HERC3: variants seen among roughly 807,000 people sequenced by gnomAD.
The protein encoded by HERC3 is HECT and RLD domain containing E3 ubiquitin protein ligase 3, also known as probable E3 ubiquitin-protein ligase HERC3.
Under a neutral mutation model 129.9 loss-of-function variants are expected in HERC3, and 58 were observed. That is an observed-to-expected ratio of 0.45 (90% CI 0.36 to 0.56). The LOEUF (loss-of-function observed/expected upper bound fraction) is 0.56, where lower values mean the gene tolerates loss of function less well. Ranked by LOEUF, HERC3 falls within the 20% of genes least tolerant of loss-of-function variation. The pLI is 0.00. For missense variants in HERC3, 835 were observed against 1,244.2 expected (o/e 0.67, Z 4.95); for synonymous variants, 430 against 451.0 (o/e 0.95, Z 0.59).
the HERC3 span, among the ~76,000 whole-genome samples, chr4:88,526,001 TC>T: frequency 6.6e-6 from 1 of 152,222 alleles, no homozygotes; most frequent in South Asian, 2.1e-4. Flanking sequence ...CTACTTAAGT[TC>T]TCACCCTCAA....
At chr4:88,556,330 T>C in the HERC3 span, among the ~76,000 whole-genome samples, 1 of 152,206 alleles carries the variant, frequency 6.6e-6, no homozygotes, top group Non-Finnish European at 1.5e-5. Flanking sequence ...AATAATGGGT[T>C]AAGACATGAA....
chr4:88,621,027 G>A (rs1027538891), intron 3 of HERC3, among the ~76,000 whole-genome samples: 3 of 152,018 alleles, frequency 2.0e-5, no homozygotes, highest in African/African-American at 7.2e-5. Flanking sequence ...TCTTTTGTTT[G>A]TTTAAGCTCC....
chr4:88,610,220 C>T (rs985931137), intron 3 of HERC3, among the ~76,000 whole-genome samples: 6 of 152,082 alleles, frequency 3.9e-5, no homozygotes, highest in Admixed American at 1.3e-4. Flanking sequence ...ATTGGGAAGC[C>T]GAGCTGGGTG....
At chr4:88,675,272 A>G (rs1732038410) in intron 16 of HERC3, among the ~76,000 whole-genome samples, 1 of 152,224 alleles carries the variant, frequency 6.6e-6, no homozygotes, top group Non-Finnish European at 1.5e-5. Flanking sequence ...TCTTAGGTGC[A>G]GATGGAGCAT....
the HERC3 span, among the ~76,000 whole-genome samples, chr4:88,550,736 T>G: frequency 1.7e-4 from 26 of 149,156 alleles, no homozygotes; most frequent in African/African-American, 6.4e-4. Flanking sequence ...TTCAATGCCA[T>G]CCCCATCAAG....
chr4:88,583,423 G>C, the HERC3 span, among the ~76,000 whole-genome samples: 1 of 150,700 alleles, frequency 6.6e-6, no homozygotes, highest in Non-Finnish European at 1.5e-5. Context: ...CCTGGATACA[G>C]AGTGAGACTC....
intron 16 of HERC3, among the ~76,000 whole-genome samples, chr4:88,673,261 C>T (rs1731801598): frequency 6.6e-6 from 1 of 152,176 alleles, no homozygotes; most frequent in African/African-American, 2.4e-5. Context: ...GAGTATTGTG[C>T]ACGTGTGAGA....
the HERC3 span, among the ~76,000 whole-genome samples, chr4:88,574,938 A>G: frequency 2.0e-5 from 3 of 152,166 alleles, no homozygotes; most frequent in Admixed American, 6.5e-5. Context: ...CCAGGAGTAG[A>G]ATGGCTGGGT....
chr4:88,589,765 T>C (rs748938725), upstream of HERC3, among the ~76,000 whole-genome samples: 4 of 152,222 alleles, frequency 2.6e-5, no homozygotes, highest in Non-Finnish European at 5.9e-5. Flanking sequence ...TGTCATTATA[T>C]GTTGTCCCAA....
intron 3 of HERC3, among the ~76,000 whole-genome samples, chr4:88,633,700 A>G (rs1727025281): frequency 6.6e-6 from 1 of 151,104 alleles, no homozygotes; most frequent in Non-Finnish European, 1.5e-5. Context: ...GAAATAGTCT[A>G]AACAAAACAA....
At chr4:88,697,937 CCG>C in intron 23 of HERC3, 1 of 764,458 alleles carries the variant, frequency 1.3e-6, no homozygotes, top group South Asian at 1.9e-5. Context: ...CAGCTGACGG[CCG>C]TGTGCTCATA....
chr4:88,682,614 T>C (rs907235600), intron 21 of HERC3, among the ~76,000 whole-genome samples: 5 of 152,082 alleles, frequency 3.3e-5, no homozygotes, highest in African/African-American at 1.2e-4. Context: ...AGAATGATGG[T>C]TTCCGGCTTC....
intron 3 of HERC3, among the ~76,000 whole-genome samples, chr4:88,644,118 T>C (rs968668410): frequency 1.3e-5 from 2 of 152,184 alleles, no homozygotes; most frequent in African/African-American, 4.8e-5. Context: ...AATTAAATAC[T>C]GATAATAGCA....
the HERC3 span, among the ~76,000 whole-genome samples, chr4:88,546,573 G>C: frequency 6.7e-6 from 1 of 150,092 alleles, no homozygotes. Context: ...GCAGTGGTGC[G>C]ATCATGGCTC....
At chr4:88,671,771 GC>G (rs1731644557) in intron 16 of HERC3, among the ~76,000 whole-genome samples, 1 of 152,106 alleles carries the variant, frequency 6.6e-6, no homozygotes, top group South Asian at 2.1e-4. Context: ...TGATTCACCA[GC>G]CTCGGCCTCC....
chr4:88,650,492 A>T (rs932354915), intron 4 of HERC3, among the ~76,000 whole-genome samples: 4 of 152,236 alleles, frequency 2.6e-5, no homozygotes, highest in Non-Finnish European at 5.9e-5. Flanking sequence ...TCTCTTAAAG[A>T]TTCACTTAAA....
intron 3 of HERC3, among the ~76,000 whole-genome samples, chr4:88,639,356 A>G (rs780481927): frequency 6.6e-6 from 1 of 152,248 alleles, no homozygotes; most frequent in African/African-American, 2.4e-5. Context: ...ACAAGGCTAC[A>G]GTAACCAAAA....
At chr4:88,600,046 A>G (rs574706715) in intron 2 of HERC3, among the ~76,000 whole-genome samples, 1 of 152,264 alleles carries the variant, frequency 6.6e-6, no homozygotes, top group African/African-American at 2.4e-5. Context: ...AGATAATGGC[A>G]GTACCTGTCT....
the HERC3 span, among the ~76,000 whole-genome samples, chr4:88,554,224 T>C: frequency 5.9e-5 from 9 of 151,754 alleles, no homozygotes; most frequent in African/African-American, 1.9e-4. Flanking sequence ...CATGCGCCAA[T>C]AGTCCCAGCT....
Sources: allele counts gnomAD v4.1 joint callset (sites outside exome capture counted in the v4.1 genomes callset), GRCh38; gene constraint gnomAD v4.1.1; transcripts MANE v1.5; gene names NCBI Gene and HGNC (gene_info 2026-07-23, HGNC 2026-07-21).